HS2ST1: variants seen among roughly 807,000 people sequenced by gnomAD.
The protein encoded by HS2ST1 is 2-O-sulfotransferase.
A neutral mutation model predicts 42.9 loss-of-function variants in HS2ST1; 18 were observed. That is an observed-to-expected ratio of 0.42 (90% CI 0.29 to 0.62). The LOEUF (loss-of-function observed/expected upper bound fraction) is 0.62, where lower values mean the gene tolerates loss of function less well. Ranked by LOEUF, HS2ST1 falls within the 20% of genes least tolerant of loss-of-function variation. The probability of loss-of-function intolerance (pLI) is 0.21; values close to 1 mark genes in which losing one functional copy is unlikely to be tolerated. For synonymous variants in HS2ST1, 146 were observed against 152.9 expected, an observed-to-expected ratio of 0.95 and a Z score of 0.33; for missense variants, 334 against 433.8, an observed-to-expected ratio of 0.77 and a Z score of 2.04.
rs1335146538 is a variant in HS2ST1 at position 86,914,757 on chromosome 1, C to T, written c.-280C>T. 1 of 469,660 alleles carries T rather than the reference C, an allele frequency of 2.1e-6. No individual in the cohort carries two copies. The highest frequency in any genetic ancestry group is 3.8e-6 in the Non-Finnish European group (1 of 262,074). 29.1% of individuals were successfully genotyped at this position (469,660 alleles called of 1,614,324 possible). A position where few individuals can be genotyped will look rare whatever the true frequency, so the allele number is the denominator to read the frequency against. ...CGGGGACTGAGGCAGTAGAGGGAGG[C>T]GAGAGCCCGGCAGCCGCTTCGCGCT... On this transcript the variant is annotated 5_prime_UTR_variant, in exon 1 of 7. Transcript: ENST00000370550.
chr1:87,090,567 C>T (rs990613984), intron 3 of HS2ST1, among the ~76,000 whole-genome samples: 1 of 151,970 alleles, frequency 6.6e-6, no homozygotes, highest in Non-Finnish European at 1.5e-5. Context: ...CTAGAGTCAT[C>T]AGGAAGAGAG....
intron 1 of HS2ST1, among the ~76,000 whole-genome samples, chr1:87,057,023 TATATG>T (rs1395149919): frequency 6.6e-6 from 1 of 152,180 alleles, no homozygotes; most frequent in East Asian, 1.9e-4. Context: ...ACCCAAATAA[TATATG>T]GTAATATTTT....
intron 5 of HS2ST1, among the ~76,000 whole-genome samples, chr1:87,100,322 T>A (rs1652170068): frequency 6.6e-6 from 1 of 152,058 alleles, no homozygotes; most frequent in Non-Finnish European, 1.5e-5. Context: ...TCCCCCAGAG[T>A]GGTGGCCCAA....
intron 1 of HS2ST1, among the ~76,000 whole-genome samples, chr1:87,059,696 C>A (rs1651070777): frequency 6.6e-6 from 1 of 152,216 alleles, no homozygotes; most frequent in African/African-American, 2.4e-5. Flanking sequence ...GTGTTATTGG[C>A]AGACAGAAGT....
chr1:86,998,160 A>G (rs1485057873), intron 1 of HS2ST1, among the ~76,000 whole-genome samples: 1 of 152,152 alleles, frequency 6.6e-6, no homozygotes, highest in African/African-American at 2.4e-5. Context: ...TTATCTTGCT[A>G]AGGGTTTCCA....
chr1:86,974,745 A>G (rs1454781572), intron 1 of HS2ST1, among the ~76,000 whole-genome samples: 1 of 152,186 alleles, frequency 6.6e-6, no homozygotes, highest in Non-Finnish European at 1.5e-5. Flanking sequence ...GAAAACCCAC[A>G]CATTAAGACC....
intron 1 of HS2ST1, among the ~76,000 whole-genome samples, chr1:86,934,087 C>T (rs1660595159): frequency 6.6e-6 from 1 of 152,074 alleles, no homozygotes; most frequent in South Asian, 2.1e-4. Flanking sequence ...TTTTTAGCTC[C>T]TGCAACCTTT....
chr1:87,064,981 CT>C (rs1651212017), intron 1 of HS2ST1, among the ~76,000 whole-genome samples: 1 of 152,246 alleles, frequency 6.6e-6, no homozygotes, highest in Admixed American at 6.5e-5. Flanking sequence ...TAACAATACT[CT>C]TAAGAAAATA....
chr1:87,046,527 T>C lies in HS2ST1; in HGVS notation c.125-26407T>C. The C allele has an allele frequency of 6.5e-6, 10 of 1,533,272 alleles. 1 individual carries two copies. The South Asian group carries it at 1.1e-4, about 17-fold the overall frequency. 95.0% of individuals were successfully genotyped at this position (1,533,272 alleles called of 1,614,324 possible). A position where few individuals can be genotyped will look rare whatever the true frequency, so the allele number is the denominator to read the frequency against. Reference sequence around the variant, plus strand: ...CCAGTTAAACTTTTTACCAAGCTTTTTAAAGATGACATCAGGTATCTGTTG... The same window carrying C: ...CCAGTTAAACTTTTTACCAAGCTTTCTAAAGATGACATCAGGTATCTGTTG... On this transcript the variant is annotated intron_variant, in intron 1 of 6. Transcript: ENST00000370550.
intron 1 of HS2ST1, among the ~76,000 whole-genome samples, chr1:87,030,932 C>T (rs1650220107): frequency 6.6e-6 from 1 of 151,968 alleles, no homozygotes; most frequent in African/African-American, 2.4e-5. Flanking sequence ...TTCTTTAAGT[C>T]TCAGTATTGT....
Position 87,030,325 on chromosome 1 carries a change from C to T in HS2ST1, c.125-42609C>T, listed in dbSNP as rs115369035. On this transcript the variant is annotated intron_variant, in intron 1 of 6. Transcript: ENST00000370550. The stretch of plus-strand genomic sequence containing the variant: ...ACCAGCCTGGGCAACATAGGAGACC[C>T]TATCTCTACAAAAAGTGTAAAAATT... Among the ~76,000 whole-genome samples, 1,179 of 152,226 alleles carry T rather than the reference C, an allele frequency of 7.7e-3. 23 individuals are homozygous for T. The highest frequency in any genetic ancestry group is 0.028 in the African/African-American group (1,144 of 41,526).
At chr1:87,009,716 C>A (rs1387827765) in intron 1 of HS2ST1, among the ~76,000 whole-genome samples, 1 of 152,056 alleles carries the variant, frequency 6.6e-6, no homozygotes, top group Non-Finnish European at 1.5e-5. Flanking sequence ...GGTGTGATAG[C>A]AGGACCTGTG....
rs988332025 is a variant in HS2ST1 at position 86,916,064 on chromosome 1, G to A, written c.124+904G>A. 6.6e-5 allele frequency among the ~76,000 whole-genome samples: 10 copies of A among 152,322 alleles called. 1 individual carries two copies. The highest frequency in any genetic ancestry group is 5.2e-4 in the Admixed American group (8 of 15,296). On this transcript the variant is annotated intron_variant, in intron 1 of 6. Transcript: ENST00000370550. ...GGTCTAAAGTACAAAAAGTTGGTGT[G>A]AAGTTGTGAAAGACAGGCCAGAAAA... is the stretch of plus-strand genomic sequence containing the variant.
chr1:87,097,155 T>C (rs1265775211), intron 4 of HS2ST1, among the ~76,000 whole-genome samples: 1 of 152,238 alleles, frequency 6.6e-6, no homozygotes, highest in African/African-American at 2.4e-5. Flanking sequence ...GTGGTTTATA[T>C]AGCACTATTC....
chr1:87,093,309 C>A (rs1215582993), intron 4 of HS2ST1, among the ~76,000 whole-genome samples: 3 of 152,086 alleles, frequency 2.0e-5, no homozygotes, highest in Non-Finnish European at 4.4e-5. Flanking sequence ...GTGTCCAGTG[C>A]TTCGGCCACA....
chr1:86,958,696 C>T (rs1647741690), intron 1 of HS2ST1, among the ~76,000 whole-genome samples: 1 of 152,104 alleles, frequency 6.6e-6, no homozygotes, highest in Admixed American at 6.5e-5. Context: ...CAGTCTCTTC[C>T]AGAAAATAGA....
At chr1:87,012,134 G>T (rs1466965764) in intron 1 of HS2ST1, among the ~76,000 whole-genome samples, 2 of 151,904 alleles carry the variant, frequency 1.3e-5, no homozygotes, top group African/African-American at 4.8e-5. Context: ...TCATTTTACG[G>T]TTACTTCCCC....
chr1:87,054,283 T>C (rs1570515788), intron 1 of HS2ST1, among the ~76,000 whole-genome samples: 1 of 152,208 alleles, frequency 6.6e-6, no homozygotes, highest in Non-Finnish European at 1.5e-5. Context: ...GAAACTCTTC[T>C]AGAGATATCT....
At chr1:87,012,098 C>G (rs952646637) in intron 1 of HS2ST1, among the ~76,000 whole-genome samples, 4 of 152,170 alleles carry the variant, frequency 2.6e-5, no homozygotes, top group Admixed American at 2.6e-4. Context: ...TCCACTAATG[C>G]TTAAGGTGTT....
Sources: allele counts gnomAD v4.1 joint callset (sites outside exome capture counted in the v4.1 genomes callset), GRCh38; gene constraint gnomAD v4.1.1; transcripts MANE v1.5; gene names NCBI Gene and HGNC (gene_info 2026-07-23, HGNC 2026-07-21).